The following DNTTIP1 variants were observed in gnomAD, a reference collection of about 807,000 sequenced individuals.
DNTTIP1 encodes the protein deoxynucleotidyltransferase terminal interacting protein 1.
Under a neutral mutation model 52.9 loss-of-function variants are expected in DNTTIP1, and 22 were observed. That is an observed-to-expected ratio of 0.42 (90% CI 0.30 to 0.59). DNTTIP1 has a LOEUF of 0.59. Ranked by LOEUF, DNTTIP1 falls within the 20% of genes least tolerant of loss-of-function variation. The pLI, the probability that DNTTIP1 is intolerant of heterozygous loss-of-function variation, is 0.22. For missense variants in DNTTIP1, 286 were observed against 435.5 expected (o/e 0.66, Z 3.06); for synonymous variants, 136 against 155.1 (o/e 0.88, Z 0.92).
intron 4 of DNTTIP1, among the ~76,000 whole-genome samples, chr20:45,799,114 G>A (rs1020363732): frequency 8.5e-5 from 13 of 152,204 alleles, no homozygotes; most frequent in Non-Finnish European, 8.8e-5. Flanking sequence ...TGGTATATAA[G>A]TCTAGAGCTC....
intron 10 of DNTTIP1, among the ~76,000 whole-genome samples, chr20:45,807,463 A>G (rs1981685575): frequency 6.6e-6 from 1 of 152,150 alleles, no homozygotes; most frequent in African/African-American, 2.4e-5. Context: ...GTATCTTTTC[A>G]GTCATTTAGA....
chr20:45,807,814 G>A (rs548813827), intron 10 of DNTTIP1, among the ~76,000 whole-genome samples: 3 of 151,880 alleles, frequency 2.0e-5, no homozygotes, highest in Non-Finnish European at 2.9e-5. Context: ...GGGCATGGTG[G>A]TGCACTCCTG....
In DNTTIP1 at chr20:45,800,692, AAAATATATATATATAT is replaced by A. The variant is rs1173202980; in HGVS notation, c.373-380_373-365del. The stretch of plus-strand genomic sequence containing the variant: ...TCCATCTCAATTTAAAAAAAAAAAA[AAAATATATATATATAT>A]ATATATATATATATATATATATATA... On this transcript the variant is annotated intron_variant, in intron 4 of 12. Coordinates refer to ENST00000372622, the MANE Select transcript of DNTTIP1 (RefSeq NM_052951.3). Among the ~76,000 whole-genome samples, 198 of 32,656 alleles carry A rather than the reference AAAATATATATATATAT, an allele frequency of 6.1e-3. 19 individuals carry two copies. Among genetic ancestry groups the A allele is most frequent in the Non-Finnish European group, 9.9e-3 (162 of 16,372 alleles). The allele number at this position is 32,656 out of a possible 152,430, so 21.4% of individuals were successfully genotyped here.
rs952497783 is a variant in DNTTIP1 at position 45,809,002 on chromosome 20, G to A, written c.724-112G>A. 9 of 906,180 alleles carry A rather than the reference G, an allele frequency of 9.9e-6. No individual in the cohort carries two copies. The highest frequency in any genetic ancestry group is 1.6e-5 in the Non-Finnish European group (9 of 569,160). The allele number at this position is 906,180 out of a possible 1,614,324, so 56.1% of individuals were successfully genotyped here. A position where few individuals can be genotyped will look rare whatever the true frequency, so the allele number is the denominator to read the frequency against. On this transcript the variant is annotated intron_variant, in intron 10 of 12. Coordinates refer to ENST00000372622, the MANE Select transcript of DNTTIP1 (RefSeq NM_052951.3). This position sits in a 1 kb window ranked among gnomAD's most constrained non-coding sequence, Gnocchi z 4.2. The stretch of plus-strand genomic sequence containing the variant: ...TGAGCCCTCTAAGTCCACCACGCTT[G>A]GAGACAAGGACTTTTGGTAAGAACT...
At chr20:45,796,434 C>T in intron 4 of DNTTIP1, 2 of 469,840 alleles carry the variant, frequency 4.3e-6, no homozygotes, top group Middle Eastern at 6.5e-4. Flanking sequence ...ATTAGAATAG[C>T]TAAGATCTGT....
In DNTTIP1 at chr20:45,803,516, C is replaced by T. The variant is rs570169702; in HGVS notation, c.603+138C>T. 54 of 863,544 alleles carry T rather than the reference C, an allele frequency of 6.3e-5. 1 individual carries two copies. In the Admixed American group the frequency reaches 7.6e-4, roughly 12 times the overall value. 53.5% of individuals were successfully genotyped at this position (863,544 alleles called of 1,614,324 possible). A position where few individuals can be genotyped will look rare whatever the true frequency, so the allele number is the denominator to read the frequency against. ...CAGAGCCATCTGCCCCTCTCCACCT[C>T]CAGCCACACTGGCCTCAGAGAGGAT... On this transcript the variant is annotated intron_variant, in intron 8 of 12. Coordinates refer to ENST00000372622, the MANE Select transcript of DNTTIP1 (RefSeq NM_052951.3).
At chr20:45,810,575 CTTTTTTTTTTT>C (rs57338956) in intron 11 of DNTTIP1, among the ~76,000 whole-genome samples, 1 of 124,162 alleles carries the variant, frequency 8.1e-6, no homozygotes, top group Non-Finnish European at 1.6e-5. Flanking sequence ...TTCTTTTTTT[CTTTTTTTTTTT>C]TTTTTCTTAA....
At chr20:45,798,572 T>A (rs1231772223) in intron 4 of DNTTIP1, among the ~76,000 whole-genome samples, 2 of 152,156 alleles carry the variant, frequency 1.3e-5, no homozygotes, top group African/African-American at 4.8e-5. Context: ...TCACCTCTTT[T>A]TTATTGACTA....
intron 4 of DNTTIP1, chr20:45,796,386 G>A (rs202244974): frequency 1.4e-4 from 51 of 353,902 alleles, no homozygotes; most frequent in African/African-American, 1.2e-3. Context: ...TAAAAGCAAA[G>A]CAAAAAAAAA....
rs1388845974 is a variant in DNTTIP1 at position 45,792,012 on chromosome 20, C to T, written c.8C>T (p.Ala3Val). The T allele has an allele frequency of 2.4e-6, 3 of 1,264,072 alleles. No individual in the cohort carries two copies. The highest frequency in any genetic ancestry group is 3.0e-6 in the Non-Finnish European group (3 of 1,003,456). The allele number at this position is 1,264,072 out of a possible 1,614,324, so 78.3% of individuals were successfully genotyped here. The change falls in exon 1 of 13, where the codon GCC (alanine) becomes GTC (valine). Residue 3 changes from alanine to valine, a missense_variant. By Grantham distance (64) the Ala-to-Val change is moderately conservative. Transcript: ENST00000372622. MG[A>V]TGDAEQPRGP... ...GTGGGGGCCGGGGGCGCCATGGGAG[C>T]CACTGGCGACGCCGAGCAGCCGCGG...
Position 45,792,109 on chromosome 20 carries a change from G to A in DNTTIP1, c.105G>A (p.Thr35=). The A allele has an allele frequency of 1.6e-6, 2 of 1,278,628 alleles. No individual in the cohort carries two copies. The highest frequency in any genetic ancestry group is 2.0e-6 in the Non-Finnish European group (2 of 1,009,846). 79.2% of individuals were successfully genotyped at this position (1,278,628 alleles called of 1,614,324 possible). ...DAGAAGQLVL[T]NPWNIMIKHR... The stretch of plus-strand genomic sequence containing the variant: ...GCGCAGCGGGGCAGCTGGTTCTTAC[G>A]GTGAGGGCGCCCCCGGTGAGGTCTG... Residue 35 remains threonine, a splice_region_variant and synonymous_variant, in exon 1 of 13, where the codon ACG becomes ACA. Transcript: ENST00000372622.
At chr20:45,806,758 G>A (rs73911108) in intron 10 of DNTTIP1, among the ~76,000 whole-genome samples, 2,368 of 152,276 alleles carry the variant, frequency 0.016, 61 homozygotes, top group African/African-American at 0.055. Flanking sequence ...TAAACAGTTT[G>A]CCCAGTGGCT....
chr20:45,800,678 TTAAA>T (rs1343771459), intron 4 of DNTTIP1, among the ~76,000 whole-genome samples: 1 of 28,056 alleles, frequency 3.6e-5, no homozygotes, highest in Non-Finnish European at 6.6e-5. Flanking sequence ...CCATCTCAAT[TTAAA>T]AAAAAAAAAA....
At chr20:45,798,420 C>T (rs1265786254) in intron 4 of DNTTIP1, among the ~76,000 whole-genome samples, 1 of 151,994 alleles carries the variant, frequency 6.6e-6, no homozygotes, top group Non-Finnish European at 1.5e-5. Context: ...CAACAAGGCA[C>T]ATGTATACAT....
intron 4 of DNTTIP1, among the ~76,000 whole-genome samples, chr20:45,798,643 G>A (rs1196100920): frequency 2.0e-5 from 3 of 151,994 alleles, no homozygotes; most frequent in African/African-American, 7.3e-5. Context: ...CATTTCACTT[G>A]CTGTTCTTAG....
chr20:45,809,031 C>T lies in DNTTIP1; in HGVS notation c.724-83C>T. ...ACAAGGACTTTTGGTAAGAACTGCT[C>T]AAGGGCCAAGAGTATGCTCTGGGAC... On this transcript the variant is annotated intron_variant, in intron 10 of 12. Coordinates refer to ENST00000372622, the MANE Select transcript of DNTTIP1 (RefSeq NM_052951.3). The surrounding 1 kb of genome is among the most constrained non-coding windows in gnomAD (Gnocchi z 4.2). 8.1e-7 allele frequency: 1 copy of T among 1,242,042 alleles called. No homozygotes were observed. Among genetic ancestry groups the T allele is most frequent in the Non-Finnish European group, 1.2e-6 (1 of 850,762 alleles). The allele number at this position is 1,242,042 out of a possible 1,614,324, so 76.9% of individuals were successfully genotyped here.
At chr20:45,810,703 A>G (rs1981802548) in intron 11 of DNTTIP1, among the ~76,000 whole-genome samples, 182 bp from the exon 12 acceptor site, 1 of 151,990 alleles carries the variant, frequency 6.6e-6, no homozygotes, top group African/African-American at 2.4e-5. Context: ...TACTGTAGTA[A>G]AAGATTGTCT....
intron 3 of DNTTIP1, among the ~76,000 whole-genome samples, chr20:45,795,073 C>T (rs1981191257): frequency 1.3e-5 from 2 of 152,050 alleles, no homozygotes; most frequent in Non-Finnish European, 2.9e-5. Context: ...GCTGGGATTA[C>T]AGGTGTGAGC....
chr20:45,795,952 T>A (rs1336571711), intron 4 of DNTTIP1, among the ~76,000 whole-genome samples: 1 of 151,482 alleles, frequency 6.6e-6, no homozygotes, highest in Non-Finnish European at 1.5e-5. Context: ...AAATGCATTA[T>A]TTTTTTTTAT....
Sources: gnomAD v4.1 joint callset for allele counts (sites outside exome capture counted in the v4.1 genomes callset) on GRCh38, gnomAD v4.1.1 for gene constraint, Gnocchi (gnomAD v3.1) non-coding constraint, MANE v1.5 for transcripts, NCBI Gene and HGNC (gene_info 2026-07-23, HGNC 2026-07-21) for gene names.